Variants in KHDRBS1 observed in about 807,000 individuals in gnomAD.
KHDRBS1 encodes the protein KH domain-containing, RNA-binding, signal transduction-associated protein 1.
A neutral mutation model predicts 48.4 loss-of-function variants in KHDRBS1; 7 were observed. The observed-to-expected ratio is 0.14, with a 90% confidence interval of 0.08 to 0.27. KHDRBS1 has a LOEUF of 0.27. KHDRBS1 is among the 10% of genes least tolerant of loss of function. The probability of loss-of-function intolerance (pLI) is 1.00; values close to 1 mark genes in which losing one functional copy is unlikely to be tolerated. For synonymous variants in KHDRBS1, 241 were observed against 235.8 expected (o/e 1.02, Z -0.20); for missense variants, 458 against 601.2 (o/e 0.76, Z 2.49).
rs184644832 is a variant in KHDRBS1, at chr1:32,021,762, G to A, written c.382+7385G>A. Among the ~76,000 whole-genome samples, 259 of 151,944 alleles carry A rather than the reference G, an allele frequency of 1.7e-3. 4 individuals are homozygous for A. Among genetic ancestry groups the A allele is most frequent in the Admixed American group, 0.016 (249 of 15,240 alleles). On this transcript the variant is annotated intron_variant, in intron 1 of 8. Coordinates refer to ENST00000327300, the MANE Select transcript of KHDRBS1 (RefSeq NM_006559.3). ...CTCTCAAGTAACTGGGATTACAGGC[G>A]CATGACACCACACCTGGCTAATTTT...
At chr1:32,017,859 G>A (rs544678301) in intron 1 of KHDRBS1, among the ~76,000 whole-genome samples, 8 of 151,490 alleles carry the variant, frequency 5.3e-5, no homozygotes, top group South Asian at 2.1e-4. Context: ...CGCCTGCCTC[G>A]GCCTCCCAAA....
At chr1:32,056,313 G>C (rs893178384) in intron 10 of KHDRBS1, among the ~76,000 whole-genome samples, 1 of 151,824 alleles carries the variant, frequency 6.6e-6, no homozygotes, top group Non-Finnish European at 1.5e-5. Flanking sequence ...GGTTGTCCAG[G>C]GACTCCTTAA....
chr1:32,038,236 T>A, intron 6 of KHDRBS1, 200 bp downstream of exon 6: 1 of 771,828 alleles, frequency 1.3e-6, no homozygotes, highest in Non-Finnish European at 2.0e-6. Context: ...GCCTGTAGAT[T>A]AAACAAGAAA....
chr1:32,047,360 T>C (rs928473385), downstream of KHDRBS1, among the ~76,000 whole-genome samples: 1 of 152,292 alleles, frequency 6.6e-6, no homozygotes, highest in Admixed American at 6.5e-5. Flanking sequence ...GGTTTCACCA[T>C]GTTGGCCAGG....
At chr1:32,053,849 G>A (rs938307137) in intron 10 of KHDRBS1, among the ~76,000 whole-genome samples, 2 of 152,130 alleles carry the variant, frequency 1.3e-5, no homozygotes, top group African/African-American at 2.4e-5. Context: ...TTGGGAGGCC[G>A]AGGTGGGCGG....
intron 1 of KHDRBS1, among the ~76,000 whole-genome samples, chr1:32,025,615 T>C (rs1419514482): frequency 6.7e-6 from 1 of 149,588 alleles, no homozygotes. Context: ...CCACCCTTCT[T>C]GAAAGCTCGA....
chr1:32,050,499 TTTTGTTTGTTTG>T (rs545581818), intron 10 of KHDRBS1, among the ~76,000 whole-genome samples: 4 of 151,980 alleles, frequency 2.6e-5, no homozygotes, highest in African/African-American at 9.7e-5. Flanking sequence ...TTTTAGTTCT[TTTTGTTTGTTTG>T]TTTGTTTGTT....
intron 1 of KHDRBS1, among the ~76,000 whole-genome samples, chr1:32,029,513 C>A (rs939408586): frequency 3.3e-5 from 5 of 151,854 alleles, no homozygotes; most frequent in African/African-American, 1.2e-4. Context: ...CAAAATTAGC[C>A]GGGCATGGTG....
intron 4 of KHDRBS1, among the ~76,000 whole-genome samples, chr1:32,036,579 A>G (rs1172470593): frequency 6.6e-6 from 1 of 152,106 alleles, no homozygotes; most frequent in Non-Finnish European, 1.5e-5. Flanking sequence ...AAAGGAAACT[A>G]TTTGCAAAGA....
intron 2 of KHDRBS1, among the ~76,000 whole-genome samples, chr1:32,030,776 A>G (rs983842946): frequency 2.6e-5 from 4 of 152,164 alleles, no homozygotes; most frequent in African/African-American, 9.6e-5. Context: ...TGAATCCTCA[A>G]TTGGTTGAAG....
chr1:32,056,518 T>C (rs937547942), intron 10 of KHDRBS1, among the ~76,000 whole-genome samples: 37 of 152,190 alleles, frequency 2.4e-4, no homozygotes, highest in African/African-American at 8.9e-4. Flanking sequence ...TCCAGTCTCT[T>C]TCTTCTAGGC....
intron 1 of KHDRBS1, among the ~76,000 whole-genome samples, chr1:32,019,754 T>C (rs1638819408): frequency 6.6e-6 from 1 of 151,712 alleles, no homozygotes; most frequent in South Asian, 2.1e-4. Flanking sequence ...ATCTGTGATA[T>C]TGCAGGTTTT....
At chr1:32,020,364 T>C (rs1638834139) in intron 1 of KHDRBS1, among the ~76,000 whole-genome samples, 2 of 151,946 alleles carry the variant, frequency 1.3e-5, no homozygotes, top group Admixed American at 6.6e-5. Context: ...AGGTCGAGGC[T>C]GCCTTGAGCT....
intron 1 of KHDRBS1, among the ~76,000 whole-genome samples, chr1:32,021,121 TAAAAA>T (rs897184968): frequency 6.7e-6 from 1 of 149,108 alleles, no homozygotes; most frequent in Non-Finnish European, 1.5e-5. Context: ...GCCTTAAAAT[TAAAAA>T]AAAAAATTTT....
At chr1:32,057,990 C>T (rs534461990) in intron 10 of KHDRBS1, among the ~76,000 whole-genome samples, 100 of 148,360 alleles carry the variant, frequency 6.7e-4, no homozygotes, top group African/African-American at 1.8e-3. Context: ...TGGTGGCGGG[C>T]GCCTGTAATC....
chr1:32,015,955 C>T (rs1036610482), intron 1 of KHDRBS1, among the ~76,000 whole-genome samples: 2 of 152,016 alleles, frequency 1.3e-5, no homozygotes, highest in Non-Finnish European at 2.9e-5. Context: ...CCGAGACGGG[C>T]TGATCGCGAG....
At chr1:32,041,210 AAAAG>A (rs1639277652) in intron 8 of KHDRBS1, among the ~76,000 whole-genome samples, 2 of 152,294 alleles carry the variant, frequency 1.3e-5, no homozygotes, top group South Asian at 4.1e-4. Context: ...GAAAAAAAGA[AAAAG>A]AAACTGTCTT....
chr1:32,014,342 C>A lies in KHDRBS1; in HGVS notation c.347C>A (p.Pro116Gln). 1 of 1,529,366 alleles carries A rather than the reference C, an allele frequency of 6.5e-7. No homozygotes were observed. The allele number at this position is 1,529,366 out of a possible 1,614,324, so 94.7% of individuals were successfully genotyped here. A position where few individuals can be genotyped will look rare whatever the true frequency, so the allele number is the denominator to read the frequency against. ...ELMAEKDSLD[P>Q]SFTHAMQLLT... ...ATGGCCGAGAAGGACTCGCTCGACC[C>A]GTCCTTCACTCACGCCATGCAGCTG... is the stretch of plus-strand genomic sequence containing the variant. The change falls in exon 1 of 9, where the codon CCG becomes CAG. Residue 116 changes from proline (P) to glutamine (Q), a missense_variant. This residue lies in a region of KHDRBS1 where 213 missense variants were observed against 215.6 expected (regional missense o/e 0.99). Coordinates refer to ENST00000327300, the MANE Select transcript of KHDRBS1 (RefSeq NM_006559.3).
intron 8 of KHDRBS1, among the ~76,000 whole-genome samples, chr1:32,040,454 AG>A (rs1569809650): frequency 6.6e-6 from 1 of 152,100 alleles, no homozygotes; most frequent in Non-Finnish European, 1.5e-5. Context: ...TAGAGGCTGT[AG>A]GGGCTAGAGC....
Sources: gnomAD v4.1 joint callset for allele counts (sites outside exome capture counted in the v4.1 genomes callset) on GRCh38, gnomAD v4.1.1 for gene constraint, gnomAD v4.1.1 regional missense constraint, MANE v1.5 for transcripts, NCBI Gene and HGNC (gene_info 2026-07-23, HGNC 2026-07-21) for gene names.